Variants in HECW2 observed in about 807,000 individuals in gnomAD.
The protein encoded by HECW2 is E3 ubiquitin-protein ligase HECW2.
In HECW2, 61 loss-of-function variants were observed where a neutral mutation model predicts 175.2. The observed-to-expected ratio is 0.35, with a 90% CI of 0.28 to 0.43. The LOEUF is 0.43. HECW2 is among the 20% of genes least tolerant of loss of function. The pLI is 1.00. For missense variants in HECW2, 1,524 were observed against 2,000.5 expected, an observed-to-expected ratio of 0.76 and a Z score of 4.54; for synonymous variants, 671 against 731.0, an observed-to-expected ratio of 0.92 and a Z score of 1.32.
intron 1 of HECW2, among the ~76,000 whole-genome samples, chr2:196,543,550 T>C (rs962156070): frequency 6.6e-6 from 1 of 152,220 alleles, no homozygotes; most frequent in African/African-American, 2.4e-5. Flanking sequence ...CTTCTCAGTA[T>C]GTAATCAGCC....
intron 19 of HECW2, among the ~76,000 whole-genome samples, chr2:196,244,225 T>C (rs1457570209): frequency 2.6e-5 from 4 of 152,016 alleles, no homozygotes; most frequent in Non-Finnish European, 5.9e-5. Context: ...AAATAAAACA[T>C]CAAACAATTA....
At position 196,535,062 on chromosome 2, in the gene HECW2, A is replaced by C. The variant is rs564358674; in HGVS notation, c.-36+58446T>G. Among the ~76,000 whole-genome samples the C allele has an allele frequency of 2.0e-5, 3 of 150,876 alleles. No homozygotes were observed. The South Asian group carries it at 6.2e-4, about 31-fold the overall frequency. The stretch of plus-strand genomic sequence containing the variant: ...ATTGTCAATATAACAAAAAAAAAAA[A>C]ACAAAAAACCCACTCTCCTTCAACT... On this transcript the variant is annotated intron_variant, in intron 1 of 28. Transcript: ENST00000644978.
At chr2:196,475,185 A>G (rs1026904969) in intron 1 of HECW2, among the ~76,000 whole-genome samples, 11 of 152,104 alleles carry the variant, frequency 7.2e-5, no homozygotes, top group Admixed American at 1.3e-4. Flanking sequence ...TATAGAGTTG[A>G]ACAGTTCTCC....
intron 1 of HECW2, among the ~76,000 whole-genome samples, chr2:196,434,990 A>G (rs925016872): frequency 1.3e-5 from 2 of 152,232 alleles, no homozygotes; most frequent in Admixed American, 6.5e-5. Flanking sequence ...GAGTTCACAG[A>G]CACTTTGGAT....
chr2:196,379,537 T>C (rs954388186), intron 2 of HECW2, among the ~76,000 whole-genome samples: 1 of 151,728 alleles, frequency 6.6e-6, no homozygotes, highest in Non-Finnish European at 1.5e-5. Context: ...TACAAAAAAT[T>C]AGCCAGGCGT....
rs565310737 is a variant in HECW2 at position 196,589,617 on chromosome 2, G to C, written c.-36+3891C>G. ...TCCTATTATCCTCATGGCCCTGAGAGCTTGGAAACTAAGAGAATGTGGAAT... is the reference window on the plus strand; with the variant it reads ...TCCTATTATCCTCATGGCCCTGAGACCTTGGAAACTAAGAGAATGTGGAAT... On this transcript the variant is annotated intron_variant, in intron 1 of 28. Coordinates refer to ENST00000644978, the MANE Select transcript of HECW2 (RefSeq NM_001348768.2). Among the ~76,000 whole-genome samples, 6 of 152,290 alleles carry C rather than the reference G, an allele frequency of 3.9e-5. No homozygotes were observed. In the East Asian group the frequency reaches 1.2e-3, roughly 29 times the overall value.
At chr2:196,397,143 A>C (rs200123699) in intron 2 of HECW2, among the ~76,000 whole-genome samples, 21 of 58,388 alleles carry the variant, frequency 3.6e-4, no homozygotes, top group African/African-American at 8.9e-4. Flanking sequence ...ACAAAAAAAA[A>C]AAAAACAAAA....
intron 23 of HECW2, among the ~76,000 whole-genome samples, chr2:196,223,784 T>G (rs1687753472): frequency 6.6e-6 from 1 of 152,162 alleles, no homozygotes; most frequent in Non-Finnish European, 1.5e-5. Context: ...GACCAATGAA[T>G]AGACCACTAC....
chr2:196,330,930 A>AT lies in HECW2; in HGVS notation c.496-1281dup, dbSNP rs111368084. Reference sequence around the variant, plus strand: ...ACTACTTAACTACTGCCCAGGTCTGATTTTTTTTTTAAACTCTTTCTCCCC... The same window carrying AT: ...ACTACTTAACTACTGCCCAGGTCTGATTTTTTTTTTTAAACTCTTTCTCCCC... On this transcript the variant is annotated intron_variant, in intron 4 of 28. Transcript: ENST00000644978. 1.8e-3 allele frequency among the ~76,000 whole-genome samples: 273 copies of AT among 150,642 alleles called. 2 individuals are homozygous for AT. The highest frequency in any genetic ancestry group is 6.8e-3 in the Middle Eastern group (2 of 294).
chr2:196,347,699 G>C (rs758898913), intron 2 of HECW2, among the ~76,000 whole-genome samples: 1 of 152,204 alleles, frequency 6.6e-6, no homozygotes, highest in African/African-American at 2.4e-5. Context: ...CAGAAAACAA[G>C]TTCAAATGCC....
intron 2 of HECW2, among the ~76,000 whole-genome samples, chr2:196,360,443 G>A (rs1022028071): frequency 1.3e-5 from 2 of 152,130 alleles, no homozygotes; most frequent in African/African-American, 4.8e-5. Context: ...ACTAACACAG[G>A]AACAGAAAAC....
At chr2:196,562,524 AT>A (rs1296658744) in intron 1 of HECW2, among the ~76,000 whole-genome samples, 5 of 152,194 alleles carry the variant, frequency 3.3e-5, no homozygotes, top group Non-Finnish European at 7.3e-5. Flanking sequence ...CAGAGAAGCA[AT>A]TTAGATATTG....
intron 23 of HECW2, among the ~76,000 whole-genome samples, chr2:196,225,423 C>T (rs986454682): frequency 6.6e-6 from 1 of 152,186 alleles, no homozygotes; most frequent in African/African-American, 2.4e-5. Flanking sequence ...GTCACTAAGA[C>T]TAACCCACAA....
At chr2:196,225,990 A>G (rs187932529) in intron 22 of HECW2, 120 bp from the exon 23 acceptor site, 22 of 635,498 alleles carry the variant, frequency 3.5e-5, no homozygotes, top group Admixed American at 1.6e-4. Context: ...TTAATTGCCT[A>G]CTAGGTAGTG....
chr2:196,531,438 A>T (rs1384013125), intron 1 of HECW2, among the ~76,000 whole-genome samples: 1 of 152,160 alleles, frequency 6.6e-6, no homozygotes, highest in African/African-American at 2.4e-5. Context: ...TGGATGGATC[A>T]CAAGGTCAGG....
rs1286573686 is a variant in HECW2, at chr2:196,322,475, T to A, written c.884+3A>T. The stretch of plus-strand genomic sequence containing the variant: ...AAGATCCCCAAAGGTAAGGGCTGAT[T>A]ACCCGATGGCTTGTCGCTCCAGCAG... On this transcript the variant is annotated splice_donor_region_variant and intron_variant, in intron 7 of 28. Coordinates refer to ENST00000644978, the MANE Select transcript of HECW2 (RefSeq NM_001348768.2). 6.2e-7 allele frequency: 1 copy of A among 1,612,626 alleles called. No homozygotes were observed. Among genetic ancestry groups the A allele is most frequent in the Non-Finnish European group, 8.5e-7 (1 of 1,179,564 alleles).
intron 1 of HECW2, among the ~76,000 whole-genome samples, chr2:196,587,586 T>C (rs1388992082): frequency 6.6e-6 from 1 of 152,194 alleles, no homozygotes; most frequent in African/African-American, 2.4e-5. Context: ...ACCACTTATC[T>C]AGTTTTGTGA....
At chr2:196,214,803 T>C (rs969394859) in intron 28 of HECW2, among the ~76,000 whole-genome samples, 3 of 152,194 alleles carry the variant, frequency 2.0e-5, no homozygotes, top group Non-Finnish European at 4.4e-5. Context: ...CATCTTTCAA[T>C]TGCTAAGAAG....
intron 14 of HECW2, among the ~76,000 whole-genome samples, chr2:196,280,224 T>C (rs946827942): frequency 6.6e-6 from 1 of 152,188 alleles, no homozygotes; most frequent in Admixed American, 6.5e-5. Flanking sequence ...AGGCACATGA[T>C]GTATGCCAAA....
Sources: allele counts gnomAD v4.1 joint callset (sites outside exome capture counted in the v4.1 genomes callset), GRCh38; gene constraint gnomAD v4.1.1; transcripts MANE v1.5; gene names NCBI Gene and HGNC (gene_info 2026-07-23, HGNC 2026-07-21).